NFAT5: variants seen among roughly 807,000 people sequenced by gnomAD.
The protein encoded by NFAT5 is nuclear factor of activated T cells 5.
In NFAT5, 31 loss-of-function variants were observed where a neutral mutation model predicts 166.5. The ratio of observed to expected loss-of-function variants is 0.19; its 90% CI spans 0.14 to 0.25. The LOEUF (loss-of-function observed/expected upper bound fraction) is 0.25, where lower values mean the gene tolerates loss of function less well. Among genes scored for constraint, NFAT5 ranks in the 10% least tolerant of loss-of-function variants. The pLI, the probability that NFAT5 is intolerant of heterozygous loss-of-function variation, is 1.00. For missense variants in NFAT5, 1,449 were observed against 1,821.8 expected (o/e 0.80, Z 3.72); for synonymous variants, 612 against 639.7 (o/e 0.96, Z 0.65).
chr16:69,640,071 A>T (rs2035137540), intron 3 of NFAT5, among the ~76,000 whole-genome samples: 1 of 152,200 alleles, frequency 6.6e-6, no homozygotes, highest in Non-Finnish European at 1.5e-5. Context: ...TTTTTTTAAT[A>T]ATCTGGAATG....
chr16:69,628,157 T>A (rs2034550422), intron 3 of NFAT5, among the ~76,000 whole-genome samples: 1 of 151,590 alleles, frequency 6.6e-6, no homozygotes, highest in Non-Finnish European at 1.5e-5. Context: ...CAAATTGAAT[T>A]TTAGAAATTC....
At position 69,695,171 on chromosome 16, in the gene NFAT5, T is replaced by C. The variant is rs1233683327; in HGVS notation, c.4450T>C (p.Leu1484=). The change falls in exon 14 of 15, where the codon TTG becomes CTG. Residue 1484 remains leucine, a synonymous_variant. Coordinates refer to ENST00000349945, the MANE Select transcript of NFAT5 (RefSeq NM_138713.4). The part of the protein sequence containing the change: ...SQLLTSGPAT[L]PDQLMAISQP... Reference sequence around the variant, plus strand: ...GCTTTTAACCTCTGGACCAGCTACATTGCCTGATCAGTTGATGGCCATAAG... The same window carrying C: ...GCTTTTAACCTCTGGACCAGCTACACTGCCTGATCAGTTGATGGCCATAAG... 9.9e-6 allele frequency: 16 copies of C among 1,614,206 alleles called. 1 individual carries two copies. The South Asian group carries it at 1.8e-4, about 18-fold the overall frequency.
chr16:69,571,586 A>C lies in NFAT5; in HGVS notation c.127+3038A>C, dbSNP rs539090532. 5.9e-5 allele frequency among the ~76,000 whole-genome samples: 9 copies of C among 152,276 alleles called. No homozygotes were observed. In the South Asian group the frequency reaches 1.7e-3, roughly 28 times the overall value. On this transcript the variant is annotated intron_variant, in intron 2 of 14. Coordinates refer to ENST00000349945, the MANE Select transcript of NFAT5 (RefSeq NM_138713.4). ...TATGCATGTTTTACATCAGTAGTCT[A>C]GATTTTCATCTATAAATAGTATTTA...
chr16:69,587,944 C>CTTTTTTT (rs61460423), intron 2 of NFAT5, among the ~76,000 whole-genome samples: 3 of 68,250 alleles, frequency 4.4e-5, no homozygotes, highest in Non-Finnish European at 5.8e-5. Flanking sequence ...ATAGTGCTTT[C>CTTTTTTT]TTTTTTTTTT....
intron 9 of NFAT5, 60 bp from the exon 10 acceptor site, chr16:69,677,143 T>A: frequency 4.7e-6 from 7 of 1,502,432 alleles, no homozygotes; most frequent in Non-Finnish European, 6.3e-6. Flanking sequence ...ATACTTCATT[T>A]AAAATTTTTA....
In NFAT5 at chr16:69,567,641, C is replaced by G. The variant is rs551882749; in HGVS notation, c.74-854C>G. 1.3e-3 allele frequency among the ~76,000 whole-genome samples: 197 copies of G among 152,236 alleles called. 3 individuals carry two copies. The Middle Eastern group carries it at 0.048, about 37-fold the overall frequency. On this transcript the variant is annotated intron_variant, in intron 1 of 14. Coordinates refer to ENST00000349945, the MANE Select transcript of NFAT5 (RefSeq NM_138713.4). Reference sequence around the variant, plus strand: ...AAGGTGCTGGACTTTACAGACTGACCATTGATTTTGTACACAGAGTCCTAC... The same window carrying G: ...AAGGTGCTGGACTTTACAGACTGACGATTGATTTTGTACACAGAGTCCTAC...
At chr16:69,662,450 CTTTTTTTTTTTTTTTT>C (rs539200298) in intron 7 of NFAT5, among the ~76,000 whole-genome samples, 2 of 96,996 alleles carry the variant, frequency 2.1e-5, no homozygotes, top group African/African-American at 7.7e-5. Context: ...ACACCTCTTT[CTTTTTTTTTTTTTTTT>C]TTTTTTTTGA....
intron 3 of NFAT5, among the ~76,000 whole-genome samples, 182 bp from the exon 4 acceptor site, chr16:69,646,846 T>A (rs536509149): frequency 6.6e-6 from 1 of 152,370 alleles, no homozygotes; most frequent in Non-Finnish European, 1.5e-5. Flanking sequence ...TGGGCATTTT[T>A]AAAAATTCCA....
intron 1 of NFAT5, among the ~76,000 whole-genome samples, chr16:69,567,968 G>C (rs2016172062): frequency 6.6e-6 from 1 of 152,150 alleles, no homozygotes; most frequent in African/African-American, 2.4e-5. Context: ...AGACAATTCA[G>C]CCTCTTTTGC....
chr16:69,579,109 T>A (rs1340865760), intron 2 of NFAT5, among the ~76,000 whole-genome samples: 1 of 152,076 alleles, frequency 6.6e-6, no homozygotes, highest in African/African-American at 2.4e-5. Context: ...CTCCTGACCT[T>A]GTGATCCGCC....
intron 6 of NFAT5, among the ~76,000 whole-genome samples, chr16:69,659,211 G>C (rs2036020762): frequency 6.6e-6 from 1 of 151,908 alleles, no homozygotes; most frequent in South Asian, 2.1e-4. Flanking sequence ...GGAGGCCAGG[G>C]TGGGTGGATC....
chr16:69,643,594 C>G (rs1001233743), intron 3 of NFAT5, among the ~76,000 whole-genome samples: 9 of 151,776 alleles, frequency 5.9e-5, no homozygotes, highest in African/African-American at 1.7e-4. Context: ...TCAAATAATG[C>G]TATCGTAGTA....
intron 2 of NFAT5, among the ~76,000 whole-genome samples, chr16:69,615,699 C>A (rs1010371323): frequency 3.3e-5 from 5 of 152,128 alleles, no homozygotes; most frequent in Admixed American, 1.3e-4. Context: ...GTTTGTAACT[C>A]ACTGTTTGAC....
intron 2 of NFAT5, among the ~76,000 whole-genome samples, chr16:69,620,972 T>A (rs1359786345): frequency 6.6e-6 from 1 of 152,236 alleles, no homozygotes; most frequent in East Asian, 1.9e-4. Context: ...TTAGAAGTCA[T>A]CTATTTTATT....
intron 2 of NFAT5, among the ~76,000 whole-genome samples, chr16:69,603,982 T>C (rs1333041379): frequency 6.6e-6 from 1 of 152,186 alleles, no homozygotes; most frequent in Non-Finnish European, 1.5e-5. Flanking sequence ...TATAATTAAT[T>C]TTAGTAGCTA....
At chr16:69,615,255 G>C (rs571019510) in intron 2 of NFAT5, among the ~76,000 whole-genome samples, 2 of 152,264 alleles carry the variant, frequency 1.3e-5, no homozygotes, top group African/African-American at 2.4e-5. Context: ...TGGCCAGGCT[G>C]CTCTCGAACT....
chr16:69,677,450 T>C, intron 10 of NFAT5, 115 bp downstream of exon 10: 2 of 795,896 alleles, frequency 2.5e-6, no homozygotes, highest in Non-Finnish European at 1.9e-6. Flanking sequence ...GATGAATTGA[T>C]GTTAGTTTCT....
chr16:69,621,457 G>C (rs2034195317), intron 2 of NFAT5, among the ~76,000 whole-genome samples: 1 of 151,994 alleles, frequency 6.6e-6, no homozygotes, highest in African/African-American at 2.4e-5. Flanking sequence ...TCATCTAAGT[G>C]ATTTTGCTTT....
chr16:69,631,369 T>A (rs2034710606), intron 3 of NFAT5, among the ~76,000 whole-genome samples: 1 of 152,028 alleles, frequency 6.6e-6, no homozygotes, highest in South Asian at 2.1e-4. Flanking sequence ...TGGCAGAGGT[T>A]GCAGTGAGCC....
Sources: gnomAD v4.1 joint callset for allele counts (sites outside exome capture counted in the v4.1 genomes callset) on GRCh38, gnomAD v4.1.1 for gene constraint, MANE v1.5 for transcripts, NCBI Gene and HGNC (gene_info 2026-07-23, HGNC 2026-07-21) for gene names.